The following CDH18 variants were observed in gnomAD, a reference collection of about 807,000 sequenced individuals.
The protein encoded by CDH18 is cadherin-18.
Under a neutral mutation model 67.9 loss-of-function variants are expected in CDH18, and 31 were observed. The ratio of observed to expected loss-of-function variants is 0.46; its 90% CI spans 0.34 to 0.62. CDH18 has a LOEUF of 0.62. Among genes scored for constraint, CDH18 ranks in the 20% least tolerant of loss-of-function variants. The pLI is 0.01. For missense variants in CDH18, 890 were observed against 975.5 expected, an observed-to-expected ratio of 0.91 and a Z score of 1.17; for synonymous variants, 362 against 347.2, an observed-to-expected ratio of 1.04 and a Z score of -0.48.
At chr5:20,474,887 C>T (rs1049624847) in intron 1 of CDH18, among the ~76,000 whole-genome samples, 2 of 152,278 alleles carry the variant, frequency 1.3e-5, no homozygotes, top group East Asian at 1.9e-4. Flanking sequence ...TACAGAGGTG[C>T]GTTTCTTGGC....
At chr5:19,782,377 G>A (rs554074162) in intron 3 of CDH18, among the ~76,000 whole-genome samples, 3 of 152,230 alleles carry the variant, frequency 2.0e-5, no homozygotes, top group African/African-American at 7.2e-5. Flanking sequence ...CCCTTGACAC[G>A]TGGGGATTAT....
At chr5:20,253,952 C>T (rs982076884) in intron 2 of CDH18, among the ~76,000 whole-genome samples, 3 of 152,134 alleles carry the variant, frequency 2.0e-5, no homozygotes, top group Admixed American at 1.3e-4. Context: ...TCATCAGATT[C>T]ACCAAGTTCA....
At chr5:19,662,005 T>A (rs912067667) in intron 5 of CDH18, among the ~76,000 whole-genome samples, 11 of 152,032 alleles carry the variant, frequency 7.2e-5, no homozygotes, top group African/African-American at 2.7e-4. Context: ...ATGTCTCAGC[T>A]CAGACTGAAA....
intron 5 of CDH18, among the ~76,000 whole-genome samples, chr5:19,711,425 AC>A (rs1455347196): frequency 6.6e-6 from 1 of 151,488 alleles, no homozygotes; most frequent in Non-Finnish European, 1.5e-5. Flanking sequence ...ACAACAACAA[AC>A]AAATAACCCT....
At chr5:19,947,895 A>G in intron 2 of CDH18, among the ~76,000 whole-genome samples, 1 of 152,210 alleles carries the variant, frequency 6.6e-6, no homozygotes, top group East Asian at 1.9e-4. Context: ...AAAGGGTTTT[A>G]TGTAGAATAT....
intron 5 of CDH18, among the ~76,000 whole-genome samples, chr5:19,695,159 G>A (rs760333802): frequency 6.6e-6 from 1 of 152,204 alleles, no homozygotes; most frequent in African/African-American, 2.4e-5. Context: ...ATGGGAAATA[G>A]AATTATCATT....
intron 2 of CDH18, among the ~76,000 whole-genome samples, chr5:19,881,738 T>C (rs1579408278): frequency 6.6e-6 from 1 of 152,008 alleles, no homozygotes; most frequent in Admixed American, 6.6e-5. Context: ...ACTCTTGACC[T>C]CAGGTGATCC....
intron 2 of CDH18, among the ~76,000 whole-genome samples, chr5:20,191,729 G>A (rs1738557189): frequency 6.6e-6 from 1 of 151,966 alleles, no homozygotes; most frequent in Non-Finnish European, 1.5e-5. Flanking sequence ...TGATATATAT[G>A]TACCTCATTT....
intron 2 of CDH18, among the ~76,000 whole-genome samples, chr5:20,194,606 A>G (rs10063234): frequency 0.016 from 2,477 of 152,132 alleles, 85 homozygotes; most frequent in African/African-American, 0.056. Flanking sequence ...TTTATTATAT[A>G]TGTAGATTTT....
chr5:19,771,693 C>T (rs1201152552), intron 3 of CDH18, among the ~76,000 whole-genome samples: 2 of 152,046 alleles, frequency 1.3e-5, no homozygotes, highest in African/African-American at 4.8e-5. Context: ...ACTAGTGAGG[C>T]GTTTGGATGT....
intron 2 of CDH18, among the ~76,000 whole-genome samples, chr5:20,127,315 G>A (rs74759025): frequency 0.043 from 6,567 of 152,068 alleles, 265 homozygotes; most frequent in African/African-American, 0.091. Flanking sequence ...CATGCTGCCT[G>A]TACAACCTAC....
intron 1 of CDH18, among the ~76,000 whole-genome samples, chr5:20,292,427 C>G (rs1747173306): frequency 6.6e-6 from 1 of 152,170 alleles, no homozygotes; most frequent in Admixed American, 6.5e-5. Context: ...GAATGCCCTA[C>G]TAAAGTTGTG....
intron 2 of CDH18, among the ~76,000 whole-genome samples, chr5:19,903,384 C>T (rs967527267): frequency 1.3e-4 from 19 of 151,600 alleles, no homozygotes; most frequent in Admixed American, 3.3e-4. Context: ...GTTCTTTCCT[C>T]CCTCCCTCCA....
chr5:19,678,554 C>G (rs569029332), intron 5 of CDH18, among the ~76,000 whole-genome samples: 52 of 151,932 alleles, frequency 3.4e-4, no homozygotes, highest in Non-Finnish European at 6.8e-4. Context: ...TAACAATCTA[C>G]TGTCACACTT....
intron 1 of CDH18, among the ~76,000 whole-genome samples, chr5:20,369,429 C>A (rs1742799093): frequency 6.6e-6 from 1 of 152,208 alleles, no homozygotes; most frequent in Non-Finnish European, 1.5e-5. Context: ...CACTTGACAT[C>A]TTTCCAATTC....
chr5:19,776,419 C>A (rs1236284750), intron 3 of CDH18, among the ~76,000 whole-genome samples: 2 of 151,850 alleles, frequency 1.3e-5, no homozygotes, highest in African/African-American at 4.8e-5. Flanking sequence ...CTGTTTAATT[C>A]TTTATGCAAA....
rs569130773 is a variant in CDH18, at chr5:19,832,743, T to C, written c.228+6016A>G. 2.6e-5 allele frequency among the ~76,000 whole-genome samples: 4 copies of C among 152,268 alleles called. No homozygotes were observed. In the East Asian group the frequency reaches 7.7e-4, roughly 29 times the overall value. On this transcript the variant is annotated intron_variant, in intron 3 of 12. Coordinates refer to ENST00000382275, the MANE Select transcript of CDH18 (RefSeq NM_004934.5). ...AGGGGTCCGGTTTCAGTTTCCTGCA[T>C]ATGTCTGGCCAGTTTTCCCAGCATC...
At chr5:20,041,908 T>C (rs148976362) in intron 2 of CDH18, among the ~76,000 whole-genome samples, 2 of 152,348 alleles carry the variant, frequency 1.3e-5, no homozygotes, top group Non-Finnish European at 1.5e-5. Flanking sequence ...TATTTAGAAC[T>C]GAAAATTATA....
At chr5:20,130,943 C>T (rs1236180485) in intron 2 of CDH18, among the ~76,000 whole-genome samples, 1 of 151,160 alleles carries the variant, frequency 6.6e-6, no homozygotes, top group East Asian at 1.9e-4. Context: ...TTCCTATTTT[C>T]TTGTATCTAA....
Sources: allele counts gnomAD v4.1 joint callset (sites outside exome capture counted in the v4.1 genomes callset), GRCh38; gene constraint gnomAD v4.1.1; transcripts MANE v1.5; gene names NCBI Gene and HGNC (gene_info 2026-07-23, HGNC 2026-07-21).